The following ASIC2 variants were observed in gnomAD, a reference collection of about 807,000 sequenced individuals.
The protein encoded by ASIC2 is acid sensing ion channel subunit 2.
Under a neutral mutation model 57.3 loss-of-function variants are expected in ASIC2, and 25 were observed. That is an observed-to-expected ratio of 0.44 (90% CI 0.32 to 0.61). ASIC2 has a LOEUF of 0.61. Ranked by LOEUF, ASIC2 falls within the 20% of genes least tolerant of loss-of-function variation. The pLI is 0.06. For missense variants in ASIC2, 641 were observed against 738.1 expected (o/e 0.87, Z 1.52); for synonymous variants, 319 against 307.5 (o/e 1.04, Z -0.39).
intron 1 of ASIC2, among the ~76,000 whole-genome samples, chr17:33,847,695 G>A (rs895880109): frequency 6.6e-6 from 1 of 152,172 alleles, no homozygotes; most frequent in South Asian, 2.1e-4. Flanking sequence ...ATAATTGAAT[G>A]AGAGCATGCC....
At chr17:33,692,616 C>T (rs1369814585) in intron 1 of ASIC2, 1 of 152,168 alleles carries the variant, frequency 6.6e-6, no homozygotes, top group Non-Finnish European at 1.5e-5. Context: ...GTATAGGGTA[C>T]TTACCATGAA....
rs537499069 is a variant in ASIC2 at position 33,213,805 on chromosome 17, A to G, written c.708+77603T>C. The stretch of plus-strand genomic sequence containing the variant: ...AATGGGGTTGCTCATCAGAAGGTTG[A>G]CGCAAGGTTTAATGAGACAGGATAG... On this transcript the variant is annotated intron_variant, in intron 1 of 9. Coordinates refer to ENST00000225823, the MANE Select transcript of ASIC2 (RefSeq NM_183377.2). 8.7e-4 allele frequency among the ~76,000 whole-genome samples: 133 copies of G among 152,250 alleles called. 1 individual carries two copies. The highest frequency in any genetic ancestry group is 3.1e-3 in the African/African-American group (130 of 41,546).
At chr17:33,422,963 A>G (rs1911097083) in intron 1 of ASIC2, among the ~76,000 whole-genome samples, 1 of 152,128 alleles carries the variant, frequency 6.6e-6, no homozygotes, top group African/African-American at 2.4e-5. Context: ...GGATCAACAG[A>G]GGTCATTAGA....
At chr17:33,422,666 T>A (rs1597723090) in intron 1 of ASIC2, among the ~76,000 whole-genome samples, 1 of 152,248 alleles carries the variant, frequency 6.6e-6, no homozygotes, top group Non-Finnish European at 1.5e-5. Context: ...CTGTGGTACA[T>A]CACTCAGATA....
Position 33,228,049 on chromosome 17 carries a change from G to T in ASIC2, c.708+63359C>A, listed in dbSNP as rs1444970914. Among the ~76,000 whole-genome samples, 4 of 152,306 alleles carry T rather than the reference G, an allele frequency of 2.6e-5. No homozygotes were observed. The South Asian group carries it at 8.3e-4, about 32-fold the overall frequency. ...GGGACTTGAAGGAATCTACAGAGAT[G>T]ACAGGGACAGTGTACTCCACATGGG... On this transcript the variant is annotated intron_variant, in intron 1 of 9. Coordinates refer to ENST00000225823, the MANE Select transcript of ASIC2 (RefSeq NM_183377.2).
At chr17:33,481,639 T>C (rs1017213880) in intron 1 of ASIC2, among the ~76,000 whole-genome samples, 3 of 145,268 alleles carry the variant, frequency 2.1e-5, no homozygotes, top group Admixed American at 1.3e-4. Context: ...CTTCAACCTC[T>C]ACACCTCTAT....
chr17:33,394,405 C>T (rs778655335), intron 1 of ASIC2, among the ~76,000 whole-genome samples: 2 of 152,202 alleles, frequency 1.3e-5, no homozygotes, highest in African/African-American at 2.4e-5. Flanking sequence ...TGGGCCTCAC[C>T]ACCAGAGTTT....
chr17:34,031,880 G>T (rs909516062), intron 1 of ASIC2, among the ~76,000 whole-genome samples: 15 of 152,182 alleles, frequency 9.9e-5, no homozygotes, highest in African/African-American at 3.1e-4. Flanking sequence ...CCAAATCTAC[G>T]TCTGATTGAT....
At chr17:33,136,111 A>C (rs925601711) in intron 1 of ASIC2, among the ~76,000 whole-genome samples, 14 of 152,158 alleles carry the variant, frequency 9.2e-5, no homozygotes, top group Admixed American at 9.2e-4. Context: ...GTGCTTGTGC[A>C]TGTGTTCCCG....
At position 33,292,894 on chromosome 17, in the gene ASIC2, C is replaced by T. The variant is rs931248122; in HGVS notation, c.-779G>A. ...CGCTCTCGCCTGGGGCTGAGAGCTT[C>T]TCAGGGCGTCCTGCGGGAGGCTGTT... On this transcript the variant is annotated 5_prime_UTR_variant, in exon 1 of 10. Coordinates refer to ENST00000225823, the MANE Select transcript of ASIC2 (RefSeq NM_183377.2). 105 of 985,446 alleles carry T rather than the reference C, an allele frequency of 1.1e-4. No homozygotes were observed. The highest frequency in any genetic ancestry group is 1.2e-4 in the Non-Finnish European group (102 of 830,026). 61.0% of individuals were successfully genotyped at this position (985,446 alleles called of 1,614,324 possible). A position where few individuals can be genotyped will look rare whatever the true frequency, so the allele number is the denominator to read the frequency against.
intron 1 of ASIC2, among the ~76,000 whole-genome samples, chr17:33,299,266 G>A (rs1905850585): frequency 6.6e-6 from 1 of 151,858 alleles, no homozygotes; most frequent in Non-Finnish European, 1.5e-5. Flanking sequence ...ACAGAACAGA[G>A]CCATCTGATA....
intron 1 of ASIC2, among the ~76,000 whole-genome samples, chr17:33,360,137 ATTTAT>A (rs1469281842): frequency 6.6e-6 from 1 of 152,180 alleles, no homozygotes; most frequent in African/African-American, 2.4e-5. Context: ...ATGATTATGT[ATTTAT>A]TTTAATATAT....
intron 1 of ASIC2, among the ~76,000 whole-genome samples, chr17:33,321,223 A>G (rs1468168943): frequency 6.6e-6 from 1 of 152,186 alleles, no homozygotes; most frequent in African/African-American, 2.4e-5. Context: ...TACGTGTGCC[A>G]TTATTTCCTC....
At chr17:33,427,879 G>T (rs144251642) in intron 1 of ASIC2, among the ~76,000 whole-genome samples, 1 of 152,178 alleles carries the variant, frequency 6.6e-6, no homozygotes, top group African/African-American at 2.4e-5. Flanking sequence ...GACTTTCAAG[G>T]CTGGGCCATA....
Position 33,236,354 on chromosome 17 carries a change from A to AT in ASIC2, c.708+55053dup, listed in dbSNP as rs112621202. On this transcript the variant is annotated intron_variant, in intron 1 of 9. Transcript: ENST00000225823. ...TAGGGTCTCTCTCTTTTATTTATTT[A>AT]TTTTTTTTGGAATAGCATCTTCCTC... Among the ~76,000 whole-genome samples the AT allele has an allele frequency of 6.7e-5, 10 of 150,098 alleles. 2 individuals are homozygous for AT. Among genetic ancestry groups the AT allele is most frequent in the East Asian group, 2.0e-4 (1 of 5,014 alleles).
At chr17:33,594,943 A>G (rs562089137) in intron 1 of ASIC2, among the ~76,000 whole-genome samples, 71 of 151,640 alleles carry the variant, frequency 4.7e-4, no homozygotes, top group South Asian at 1.2e-3. Context: ...ATTGATGGCG[A>G]GGTGCAGTGG....
chr17:33,997,307 ATTTTTTTTTT>A (rs71147411), intron 1 of ASIC2, among the ~76,000 whole-genome samples: 18 of 85,792 alleles, frequency 2.1e-4, no homozygotes, highest in African/African-American at 4.1e-4. Context: ...TGCACGGTTA[ATTTTTTTTTT>A]TTTTTTTTTT....
At chr17:33,480,914 T>C (rs1913383336) in intron 1 of ASIC2, among the ~76,000 whole-genome samples, 1 of 152,198 alleles carries the variant, frequency 6.6e-6, no homozygotes, top group Admixed American at 6.5e-5. Context: ...TCCCTCCTGG[T>C]CCCTCACTTA....
At chr17:34,106,193 G>A (rs979679366) in intron 1 of ASIC2, among the ~76,000 whole-genome samples, 2 of 152,048 alleles carry the variant, frequency 1.3e-5, no homozygotes, top group African/African-American at 2.4e-5. Context: ...ACTATCTTAG[G>A]ATATCACAAT....
Sources: allele counts gnomAD v4.1 joint callset (sites outside exome capture counted in the v4.1 genomes callset), GRCh38; gene constraint gnomAD v4.1.1; transcripts MANE v1.5; gene names NCBI Gene and HGNC (gene_info 2026-07-23, HGNC 2026-07-21).